The following AFG2A variants were observed in gnomAD, a reference collection of about 807,000 sequenced individuals.
The protein encoded by AFG2A is AAA ATPase AFG2A, also known as ATPase family gene 2 protein homolog A.
the AFG2A span, among the ~76,000 whole-genome samples, chr4:123,028,744 T>A: frequency 1.3e-5 from 2 of 152,330 alleles, no homozygotes; most frequent in East Asian, 3.9e-4. Flanking sequence ...AACATGACAG[T>A]GAATTCAATA....
the AFG2A span, among the ~76,000 whole-genome samples, chr4:123,043,581 C>G: frequency 1.3e-5 from 2 of 152,146 alleles, no homozygotes; most frequent in Admixed American, 6.5e-5. Context: ...GTCATTTAGT[C>G]TATCCCTAAA....
the AFG2A span, among the ~76,000 whole-genome samples, chr4:123,003,069 T>C: frequency 6.6e-6 from 1 of 152,216 alleles, no homozygotes; most frequent in Non-Finnish European, 1.5e-5. Context: ...CTTCCATCAC[T>C]GATACCCTTT....
At chr4:123,106,997 C>T in the AFG2A span, among the ~76,000 whole-genome samples, 2 of 152,236 alleles carry the variant, frequency 1.3e-5, no homozygotes, top group African/African-American at 2.4e-5. Flanking sequence ...CCATGCAAGG[C>T]TGTGGCTGGA....
At chr4:123,040,100 A>T in the AFG2A span, among the ~76,000 whole-genome samples, 8,183 of 150,004 alleles carry the variant, frequency 0.055, 521 homozygotes, top group African/African-American at 0.17. Flanking sequence ...GTATATTGGT[A>T]AGAGTTTCTG....
the AFG2A span, among the ~76,000 whole-genome samples, chr4:123,257,134 G>A: frequency 5.3e-5 from 8 of 152,104 alleles, no homozygotes; most frequent in African/African-American, 1.7e-4. Context: ...GTGGTACTCC[G>A]AGAGTCTATT....
chr4:122,955,241 C>T, the AFG2A span, among the ~76,000 whole-genome samples: 1 of 152,160 alleles, frequency 6.6e-6, no homozygotes, highest in Non-Finnish European at 1.5e-5. Context: ...ATTTGGCACC[C>T]TCCGTGCAGC....
At chr4:123,307,553 T>C in the AFG2A span, among the ~76,000 whole-genome samples, 1 of 152,216 alleles carries the variant, frequency 6.6e-6, no homozygotes, top group Non-Finnish European at 1.5e-5. Flanking sequence ...TGAAAAGACC[T>C]CATTTTTCCA....
the AFG2A span, among the ~76,000 whole-genome samples, chr4:123,142,886 G>A: frequency 6.6e-6 from 1 of 152,092 alleles, no homozygotes; most frequent in South Asian, 2.1e-4. Context: ...ACAATTTGTT[G>A]TAAAGTGAGG....
At chr4:122,939,135 G>C in the AFG2A span, among the ~76,000 whole-genome samples, 1 of 136,396 alleles carries the variant, frequency 7.3e-6, no homozygotes, top group Non-Finnish European at 1.5e-5. Context: ...GCCCAGGCTG[G>C]AGTGCAATGG....
At chr4:123,107,587 G>A in the AFG2A span, among the ~76,000 whole-genome samples, 1 of 152,202 alleles carries the variant, frequency 6.6e-6, no homozygotes, top group South Asian at 2.1e-4. Flanking sequence ...CAGGCTTCAG[G>A]CTGTCCATGT....
the AFG2A span, among the ~76,000 whole-genome samples, chr4:123,024,695 G>A: frequency 1.3e-5 from 2 of 152,182 alleles, no homozygotes. Context: ...CAAGACCTCT[G>A]GAACATCATC....
At chr4:123,189,653 CCTGA>C in the AFG2A span, among the ~76,000 whole-genome samples, 3 of 151,958 alleles carry the variant, frequency 2.0e-5, no homozygotes, top group Admixed American at 6.6e-5. Context: ...ACTCCAGTTC[CCTGA>C]CTTTGACTGC....
chr4:123,065,397 TTAA>T, the AFG2A span, among the ~76,000 whole-genome samples: 8 of 152,062 alleles, frequency 5.3e-5, no homozygotes, highest in African/African-American at 1.9e-4. Context: ...TAAAGTGGAG[TTAA>T]TAATAGTAAA....
At chr4:123,141,486 A>G in the AFG2A span, among the ~76,000 whole-genome samples, 2 of 152,044 alleles carry the variant, frequency 1.3e-5, no homozygotes, top group Non-Finnish European at 2.9e-5. Context: ...AAACAAACAA[A>G]CAAAAAAACA....
At chr4:122,987,930 G>C in the AFG2A span, among the ~76,000 whole-genome samples, 1 of 152,008 alleles carries the variant, frequency 6.6e-6, no homozygotes, top group Non-Finnish European at 1.5e-5. Context: ...TTTCATATTA[G>C]TTAGCATCCT....
At chr4:123,032,070 A>G in the AFG2A span, among the ~76,000 whole-genome samples, 1 of 152,360 alleles carries the variant, frequency 6.6e-6, no homozygotes, top group Admixed American at 6.5e-5. Flanking sequence ...GCTTTACTAT[A>G]TGAAGAACTG....
chr4:122,931,729 A>G, the AFG2A span, among the ~76,000 whole-genome samples: 3 of 152,122 alleles, frequency 2.0e-5, no homozygotes, highest in East Asian at 3.8e-4. Context: ...TGTGTCCCCT[A>G]TCACTTCCAT....
chr4:123,217,262 G>A, the AFG2A span, among the ~76,000 whole-genome samples: 4 of 152,164 alleles, frequency 2.6e-5, no homozygotes, highest in Non-Finnish European at 4.4e-5. Context: ...TTTGACAGAT[G>A]TGAGGGTCAG....
At chr4:123,004,249 C>T in the AFG2A span, among the ~76,000 whole-genome samples, 5 of 152,176 alleles carry the variant, frequency 3.3e-5, no homozygotes, top group Non-Finnish European at 7.3e-5. Context: ...CTCCCTGATC[C>T]CTTGCGCTTC....
Sources: gnomAD v4.1 joint callset for allele counts (sites outside exome capture counted in the v4.1 genomes callset) on GRCh38, gnomAD v4.1.1 for gene constraint, MANE v1.5 for transcripts, NCBI Gene and HGNC (gene_info 2026-07-23, HGNC 2026-07-21) for gene names.